The following LYRM7 variants were observed in gnomAD, a reference collection of about 807,000 sequenced individuals.
LYRM7 encodes complex III assembly factor LYRM7.
Under a neutral mutation model 15.8 loss-of-function variants are expected in LYRM7, and 9 were observed. That is an observed-to-expected ratio of 0.57 (90% confidence interval 0.34 to 0.99). The LOEUF (loss-of-function observed/expected upper bound fraction) is 0.99. LYRM7 is among the 50% of genes least tolerant of loss of function. The pLI, the probability that LYRM7 is intolerant of heterozygous loss-of-function variation, is 0.02. For missense variants in LYRM7, 115 were observed against 119.1 expected, an observed-to-expected ratio of 0.97 and a Z score of 0.16; for synonymous variants, 39 against 39.4, an observed-to-expected ratio of 0.99 and a Z score of 0.04.
chr5:131,202,794 T>A lies in LYRM7; in HGVS notation c.*3193T>A, dbSNP rs545776969. The A allele has an allele frequency of 2.0e-5, 3 of 152,472 alleles. No homozygotes were observed. Among genetic ancestry groups the A allele is most frequent in the Non-Finnish European group, 4.4e-5 (3 of 68,034 alleles). 9.4% of individuals were successfully genotyped at this position (152,472 alleles called of 1,614,324 possible). A position where few individuals can be genotyped will look rare whatever the true frequency, so the allele number is the denominator to read the frequency against. On this transcript the variant is annotated 3_prime_UTR_variant, in exon 5 of 5. Coordinates refer to ENST00000379380, the MANE Select transcript of LYRM7 (RefSeq NM_181705.4). ...ATCTAGTGAAAGTGGGGTATATGAA[T>A]TCTAATTGCAAATATCCAGGCTCAG...
At chr5:131,172,876 T>C (rs1755543955) in intron 1 of LYRM7, among the ~76,000 whole-genome samples, 1 of 152,206 alleles carries the variant, frequency 6.6e-6, no homozygotes. Context: ...ACTGCCTGAA[T>C]TGTCCAATCA....
intron 3 of LYRM7, among the ~76,000 whole-genome samples, chr5:131,184,643 G>GGT (rs371320484): frequency 2.9e-5 from 4 of 137,954 alleles, no homozygotes; most frequent in Admixed American, 6.8e-5. Flanking sequence ...TTTTTGGCGG[G>GGT]GGGGGGGTTC....
At chr5:131,172,107 G>A (rs913951346) in intron 1 of LYRM7, among the ~76,000 whole-genome samples, 1 of 152,180 alleles carries the variant, frequency 6.6e-6, no homozygotes, top group African/African-American at 2.4e-5. Flanking sequence ...CATATAACTA[G>A]GATTTCACAT....
intron 3 of LYRM7, among the ~76,000 whole-genome samples, chr5:131,183,211 A>T (rs983947687): frequency 4.6e-5 from 7 of 152,170 alleles, no homozygotes; most frequent in African/African-American, 1.7e-4. Context: ...GGAGCTCATG[A>T]GACAAAATGA....
Position 131,171,045 on chromosome 5 carries a change from G to T in LYRM7, c.18+7G>T. The T allele has an allele frequency of 1.3e-6, 2 of 1,529,310 alleles. No homozygotes were observed. The highest frequency in any genetic ancestry group is 2.6e-5 in the East Asian group (1 of 38,134). The allele number at this position is 1,529,310 out of a possible 1,614,324, so 94.7% of individuals were successfully genotyped here. A position where few individuals can be genotyped will look rare whatever the true frequency, so the allele number is the denominator to read the frequency against. On this transcript the variant is annotated splice_region_variant and intron_variant, in intron 1 of 4. Coordinates refer to ENST00000379380, the MANE Select transcript of LYRM7 (RefSeq NM_181705.4). Reference sequence around the variant, plus strand: ...CATGGGACGGGCAGTCAAGGTGACAGGGCCCGGGAAGGGGTGGGTACGATG... The same window carrying T: ...CATGGGACGGGCAGTCAAGGTGACATGGCCCGGGAAGGGGTGGGTACGATG...
At chr5:131,191,035 T>G (rs1244124221) in intron 4 of LYRM7, among the ~76,000 whole-genome samples, 3 of 152,050 alleles carry the variant, frequency 2.0e-5, no homozygotes, top group Non-Finnish European at 2.9e-5. Context: ...TGAATATTAT[T>G]TAGATTTCTT....
At chr5:131,196,862 T>C (rs1755973341) in intron 4 of LYRM7, among the ~76,000 whole-genome samples, 2 of 152,068 alleles carry the variant, frequency 1.3e-5, no homozygotes, top group Non-Finnish European at 2.9e-5. Flanking sequence ...TTCACTGTGT[T>C]GGCCAGGCTG....
intron 2 of LYRM7, among the ~76,000 whole-genome samples, chr5:131,181,208 G>A (rs1247672438): frequency 2.2e-5 from 3 of 139,526 alleles, no homozygotes; most frequent in East Asian, 2.1e-4. Flanking sequence ...ACCCAGAGGC[G>A]GAGGTTGCAG....
chr5:131,184,232 G>A (rs962355943), intron 3 of LYRM7, among the ~76,000 whole-genome samples: 3 of 152,176 alleles, frequency 2.0e-5, no homozygotes, highest in African/African-American at 7.2e-5. Context: ...CTCCCAAAGT[G>A]CTGGGATTAC....
chr5:131,177,732 A>G (rs1755623864), intron 1 of LYRM7, among the ~76,000 whole-genome samples: 1 of 152,126 alleles, frequency 6.6e-6, no homozygotes, highest in East Asian at 1.9e-4. Context: ...TCTATCTTGT[A>G]ATTCGTGTGC....
intron 4 of LYRM7, among the ~76,000 whole-genome samples, chr5:131,198,478 G>T (rs1025417686): frequency 6.6e-6 from 1 of 152,142 alleles, no homozygotes; most frequent in African/African-American, 2.4e-5. Flanking sequence ...GTAGAAGGTC[G>T]TGCAAGCATT....
At chr5:131,177,663 A>C (rs943631916) in intron 1 of LYRM7, among the ~76,000 whole-genome samples, 1 of 152,198 alleles carries the variant, frequency 6.6e-6, no homozygotes, top group Non-Finnish European at 1.5e-5. Context: ...ATTGCACTGA[A>C]CTTAACATCA....
At chr5:131,187,920 T>A (rs1755823241) in intron 4 of LYRM7, among the ~76,000 whole-genome samples, 1 of 152,158 alleles carries the variant, frequency 6.6e-6, no homozygotes, top group Non-Finnish European at 1.5e-5. Flanking sequence ...TTGTTTTTAT[T>A]CTCTAAAGTA....
intron 2 of LYRM7, 113 bp downstream of exon 2, chr5:131,180,280 C>G (rs1755670634): frequency 3.3e-6 from 2 of 614,880 alleles, no homozygotes; most frequent in South Asian, 4.4e-5. Context: ...TTCACTACCT[C>G]TCTCTGATAT....
intron 1 of LYRM7, among the ~76,000 whole-genome samples, chr5:131,176,376 T>C (rs1283717792): frequency 1.3e-5 from 2 of 152,170 alleles, no homozygotes; most frequent in Non-Finnish European, 2.9e-5. Flanking sequence ...TTTTTCCATG[T>C]CCTTGTCAAC....
At chr5:131,194,028 CT>C (rs1488456152) in intron 4 of LYRM7, among the ~76,000 whole-genome samples, 3 of 151,874 alleles carry the variant, frequency 2.0e-5, no homozygotes, top group Admixed American at 6.6e-5. Flanking sequence ...AAAGAAATTG[CT>C]TTTTATTGAT....
At chr5:131,180,853 T>C (rs1279962907) in intron 2 of LYRM7, among the ~76,000 whole-genome samples, 1 of 152,238 alleles carries the variant, frequency 6.6e-6, no homozygotes, top group South Asian at 2.1e-4. Context: ...GTTGCTATTA[T>C]AATTCCTATT....
intron 4 of LYRM7, among the ~76,000 whole-genome samples, chr5:131,199,174 A>G (rs186620249): frequency 3.3e-5 from 5 of 152,352 alleles, no homozygotes; most frequent in Admixed American, 3.3e-4. Context: ...CTTGCTTTTC[A>G]TATAGTAGAT....
rs1756037934 is a variant in LYRM7, at chr5:131,200,173, A to AT, written c.*578dup. On this transcript the variant is annotated 3_prime_UTR_variant, in exon 5 of 5. Transcript: ENST00000379380. ...AGTATCTCTGTGTTCTTATGAAGAC[A>AT]TTTTTTATCAGTTTTCTGAAAATAG... is the stretch of plus-strand genomic sequence containing the variant. The AT allele has an allele frequency of 6.6e-6, 1 of 152,316 alleles. No individual in the cohort carries two copies. Among genetic ancestry groups the AT allele is most frequent in the African/African-American group, 2.4e-5 (1 of 41,440 alleles). The allele number at this position is 152,316 out of a possible 1,614,324, so 9.4% of individuals were successfully genotyped here. A position where few individuals can be genotyped will look rare whatever the true frequency, so the allele number is the denominator to read the frequency against.
Sources: allele counts gnomAD v4.1 joint callset (sites outside exome capture counted in the v4.1 genomes callset), GRCh38; gene constraint gnomAD v4.1.1; transcripts MANE v1.5; gene names NCBI Gene and HGNC (gene_info 2026-07-23, HGNC 2026-07-21).